RIC3: variants seen among roughly 807,000 people sequenced by gnomAD.
RIC3 encodes protein RIC-3.
A neutral mutation model predicts 27.3 loss-of-function variants in RIC3; 28 were observed. The observed-to-expected ratio is 1.02, with a 90% CI of 0.76 to 1.41. The LOEUF is 1.41. Ranked by LOEUF, RIC3 falls within the 40% of genes most tolerant of loss-of-function variation. The probability of loss-of-function intolerance (pLI) is 0.00; values close to 1 mark genes in which losing one functional copy is unlikely to be tolerated. For missense variants in RIC3, 501 were observed against 444.7 expected (o/e 1.13, Z -1.14); for synonymous variants, 184 against 160.4 (o/e 1.15, Z -1.11).
chr11:8,156,193 A>G (rs762940969), intron 1 of RIC3, among the ~76,000 whole-genome samples: 2 of 152,238 alleles, frequency 1.3e-5, no homozygotes, highest in African/African-American at 2.4e-5. Flanking sequence ...CACAATTCTA[A>G]CTGGTCTTGC....
chr11:8,113,735 GGACC>G (rs1345123880), intron 5 of RIC3, among the ~76,000 whole-genome samples: 1 of 152,078 alleles, frequency 6.6e-6, no homozygotes, highest in East Asian at 1.9e-4. Flanking sequence ...CTGCCCCTAT[GGACC>G]TAGGTTCTAG....
At chr11:8,114,503 G>A (rs1342401621) in intron 5 of RIC3, among the ~76,000 whole-genome samples, 1 of 151,974 alleles carries the variant, frequency 6.6e-6, no homozygotes, top group Non-Finnish European at 1.5e-5. Flanking sequence ...CTACTCAGGA[G>A]GCTGAGGCAG....
rs148831924 is a variant in RIC3 at position 8,123,254 on chromosome 11, G to C, written c.670+3405C>G. On this transcript the variant is annotated intron_variant, in intron 5 of 5. Transcript: ENST00000309737. Reference sequence around the variant, plus strand: ...GGCAATATCAAACATATATGCAACTGGAGAGCCAGAAGGAAATAAAAGAGA... The same window carrying C: ...GGCAATATCAAACATATATGCAACTCGAGAGCCAGAAGGAAATAAAAGAGA... Among the ~76,000 whole-genome samples, 427 of 151,870 alleles carry C rather than the reference G, an allele frequency of 2.8e-3. 2 individuals are homozygous for C. The highest frequency in any genetic ancestry group is 9.7e-3 in the African/African-American group (401 of 41,462).
At chr11:8,139,158 T>C (rs1216357155) in intron 2 of RIC3, 2 of 152,304 alleles carry the variant, frequency 1.3e-5, no homozygotes, top group East Asian at 3.9e-4. Context: ...ACAGGTCATC[T>C]TCCTTGCTCA....
At chr11:8,141,013 A>C (rs541849436) in intron 1 of RIC3, among the ~76,000 whole-genome samples, 131 of 149,904 alleles carry the variant, frequency 8.7e-4, no homozygotes, top group East Asian at 5.5e-3. Flanking sequence ...GCCTGCCCTA[A>C]AAGAGCTCCT....
chr11:8,106,951 C>A lies in RIC3; in HGVS notation c.*3747G>T, dbSNP rs1399306722. 1 of 152,192 alleles carries A rather than the reference C, an allele frequency of 6.6e-6. No individual in the cohort carries two copies. The highest frequency in any genetic ancestry group is 2.1e-4 in the South Asian group (1 of 4,824). 9.4% of individuals were successfully genotyped at this position (152,192 alleles called of 1,614,324 possible). ...GCTGTCACCAAGCACCTACCACATG[C>A]TTTGCCCTGGCACAGACACTTTATA... On this transcript the variant is annotated 3_prime_UTR_variant, in exon 6 of 6. Transcript: ENST00000309737.
At chr11:8,122,510 C>A (rs768664562) in intron 5 of RIC3, among the ~76,000 whole-genome samples, 1 of 151,904 alleles carries the variant, frequency 6.6e-6, no homozygotes, top group Non-Finnish European at 1.5e-5. Context: ...TGGGTTGTTT[C>A]CAGTTCTTGG....
At position 8,130,410 on chromosome 11, in the gene RIC3, G is replaced by C. The variant is rs1022708678; in HGVS notation, c.522-3603C>G. On this transcript the variant is annotated intron_variant, in intron 4 of 5. Transcript: ENST00000309737. The stretch of plus-strand genomic sequence containing the variant: ...CTCCCTAAATGCCCAAAGCTGCTCT[G>C]GTTACCACCCTTCCTGAAACCTGCA... Among the ~76,000 whole-genome samples the C allele has an allele frequency of 3.3e-5, 5 of 152,226 alleles. No individual in the cohort carries two copies. In the East Asian group the frequency reaches 7.7e-4, roughly 24 times the overall value.
intron 1 of RIC3, among the ~76,000 whole-genome samples, chr11:8,158,348 G>T (rs961467867): frequency 2.6e-5 from 4 of 152,074 alleles, no homozygotes; most frequent in African/African-American, 9.7e-5. Context: ...TTCAGGCAGG[G>T]TCAGCAGGAA....
At chr11:8,096,604 C>A in the RIC3 span, 2 of 938,412 alleles carry the variant, frequency 2.1e-6, no homozygotes, top group Non-Finnish European at 1.8e-6. Flanking sequence ...AGTGTCTGAA[C>A]ATGAGTATGT....
chr11:8,114,419 A>T (rs1035483203), intron 5 of RIC3, among the ~76,000 whole-genome samples: 22 of 152,180 alleles, frequency 1.4e-4, no homozygotes, highest in African/African-American at 5.1e-4. Context: ...AACCTGGCCA[A>T]CATGGTAAAA....
intron 1 of RIC3, among the ~76,000 whole-genome samples, chr11:8,166,411 T>C (rs751061819): frequency 2.0e-5 from 3 of 152,170 alleles, no homozygotes; most frequent in Non-Finnish European, 4.4e-5. Flanking sequence ...TTCATGCACA[T>C]CAATGGGCAA....
In RIC3 at chr11:8,169,007, G is replaced by A. The variant is rs1590475688; in HGVS notation, c.-18C>T. ...TACGCCATGACTGCTCACGGTGGTC[G>A]CAGGTGCAGACGCCAGCCGGAACCG... is the stretch of plus-strand genomic sequence containing the variant. On this transcript the variant is annotated 5_prime_UTR_variant, in exon 1 of 6. Transcript: ENST00000309737. 2.6e-6 allele frequency: 4 copies of A among 1,558,102 alleles called. No individual in the cohort carries two copies. Among genetic ancestry groups the A allele is most frequent in the Admixed American group, 2.0e-5 (1 of 49,262 alleles).
At chr11:8,161,375 T>G (rs1183574526) in intron 1 of RIC3, among the ~76,000 whole-genome samples, 1 of 152,218 alleles carries the variant, frequency 6.6e-6, no homozygotes, top group Admixed American at 6.5e-5. Context: ...CATTCCTATT[T>G]TGGCAAAGGA....
the RIC3 span, among the ~76,000 whole-genome samples, chr11:8,099,627 C>G: frequency 6.6e-6 from 1 of 152,160 alleles, no homozygotes; most frequent in Admixed American, 6.5e-5. Flanking sequence ...ACTTAAAGCC[C>G]TAGCAGGGCA....
At chr11:8,098,850 G>C in the RIC3 span, 3 of 1,614,024 alleles carry the variant, frequency 1.9e-6, no homozygotes, top group Non-Finnish European at 2.5e-6. Context: ...GGAACCTTAC[G>C]TCAGGAGCTG....
Position 8,140,120 on chromosome 11 carries a change from ACGAG to A in RIC3, c.194_197del (p.Ala65ValfsTer30). ...CCTCGGCAAGGTGAGACCTCTGGAA[ACGAG>A]CCCCAGGAGTCTGGCCATCTGAGGG... is the stretch of plus-strand genomic sequence containing the variant. On this transcript the variant is annotated frameshift_variant, in exon 2 of 6. Transcript: ENST00000309737. LOFTEE classifies it high-confidence loss of function. 6.2e-7 allele frequency: 1 copy of A among 1,614,142 alleles called. No individual in the cohort carries two copies. The highest frequency in any genetic ancestry group is 8.5e-7 in the Non-Finnish European group (1 of 1,180,022).
intron 1 of RIC3, among the ~76,000 whole-genome samples, chr11:8,160,820 G>C (rs759386848): frequency 1.3e-5 from 2 of 152,212 alleles, no homozygotes; most frequent in Admixed American, 6.5e-5. Context: ...GTCATACCAG[G>C]AACGGATGAG....
chr11:8,166,303 T>C (rs988553031), intron 1 of RIC3, among the ~76,000 whole-genome samples: 1 of 152,214 alleles, frequency 6.6e-6, no homozygotes, highest in African/African-American at 2.4e-5. Flanking sequence ...ATACATAGTG[T>C]CTATACACTA....
Sources: allele counts gnomAD v4.1 joint callset (sites outside exome capture counted in the v4.1 genomes callset), GRCh38; gene constraint gnomAD v4.1.1; transcripts MANE v1.5; gene names NCBI Gene and HGNC (gene_info 2026-07-23, HGNC 2026-07-21).